The following PRDM16 variants were observed in gnomAD, a reference collection of about 807,000 sequenced individuals.
PRDM16 encodes histone-lysine N-methyltransferase PRDM16.
Under a neutral mutation model 110.6 loss-of-function variants are expected in PRDM16, and 23 were observed. The observed-to-expected ratio is 0.21, with a 90% CI of 0.15 to 0.29. The LOEUF is 0.29. PRDM16 is among the 10% of genes least tolerant of loss of function. The pLI, the probability that PRDM16 is intolerant of heterozygous loss-of-function variation, is 1.00. For synonymous variants in PRDM16, 799 were observed against 781.8 expected, an observed-to-expected ratio of 1.02 and a Z score of -0.37; for missense variants, 1,615 against 1,794.3, an observed-to-expected ratio of 0.90 and a Z score of 1.81.
At chr1:3,379,081 CCCCCTCCCGGTGCA>C (rs1329407412) in intron 3 of PRDM16, among the ~76,000 whole-genome samples, 14 of 146,254 alleles carry the variant, frequency 9.6e-5, no homozygotes, top group Non-Finnish European at 1.4e-4. Flanking sequence ...CCCCAACACA[CCCCCTCCCGGTGCA>C]CCCCTCCCGG....
chr1:3,135,464 A>G (rs1643418430), intron 1 of PRDM16, among the ~76,000 whole-genome samples: 1 of 152,202 alleles, frequency 6.6e-6, no homozygotes, highest in Non-Finnish European at 1.5e-5. Context: ...GGGGTTTCAC[A>G]GTGAGTTCAA....
At chr1:3,094,930 G>A (rs561173536) in intron 1 of PRDM16, among the ~76,000 whole-genome samples, 4 of 152,318 alleles carry the variant, frequency 2.6e-5, no homozygotes, top group African/African-American at 9.6e-5. Context: ...CACACAGCCC[G>A]GAACCCCGGT....
At chr1:3,074,460 C>T (rs1557427386) in intron 1 of PRDM16, among the ~76,000 whole-genome samples, 1 of 151,998 alleles carries the variant, frequency 6.6e-6, no homozygotes, top group Non-Finnish European at 1.5e-5. Context: ...AGGGTTTAAG[C>T]ATTTTCTCAA....
At chr1:3,092,705 G>C (rs1196966727) in intron 1 of PRDM16, among the ~76,000 whole-genome samples, 2 of 152,122 alleles carry the variant, frequency 1.3e-5, no homozygotes, top group Non-Finnish European at 2.9e-5. Context: ...CCTCTGGCTG[G>C]GCACCCCCGG....
At chr1:3,240,761 C>G (rs1306824025) in intron 2 of PRDM16, among the ~76,000 whole-genome samples, 1 of 152,230 alleles carries the variant, frequency 6.6e-6, no homozygotes, top group Non-Finnish European at 1.5e-5. Flanking sequence ...CCTCTGCGTA[C>G]GTGGCCTCTT....
At chr1:3,391,746 CTA>C (rs1276577174) in intron 4 of PRDM16, among the ~76,000 whole-genome samples, 4 of 152,256 alleles carry the variant, frequency 2.6e-5, no homozygotes, top group Non-Finnish European at 4.4e-5. Context: ...ATAGGACTGT[CTA>C]TAGTCTGGGA....
chr1:3,236,421 G>T (rs1266075282), intron 2 of PRDM16, among the ~76,000 whole-genome samples: 1 of 152,162 alleles, frequency 6.6e-6, no homozygotes, highest in Non-Finnish European at 1.5e-5. Context: ...TGGCCTGGGG[G>T]GGCGCTTGTC....
At chr1:3,277,775 A>G (rs945430683) in intron 3 of PRDM16, among the ~76,000 whole-genome samples, 18 of 106,050 alleles carry the variant, frequency 1.7e-4, no homozygotes, top group Admixed American at 1.2e-3. Flanking sequence ...GCGCACACAC[A>G]CGCACACATA....
chr1:3,184,017 C>G (rs1234097060), intron 1 of PRDM16, among the ~76,000 whole-genome samples: 2 of 152,174 alleles, frequency 1.3e-5, no homozygotes, highest in African/African-American at 4.8e-5. Context: ...ATGTACCTTT[C>G]TGCTGCACAC....
chr1:3,337,088 T>G (rs1642175057), intron 3 of PRDM16, among the ~76,000 whole-genome samples: 1 of 151,896 alleles, frequency 6.6e-6, no homozygotes, highest in Non-Finnish European at 1.5e-5. Context: ...TGTGAGCGCA[T>G]GCATCCACAT....
chr1:3,332,060 G>A (rs1553164582), intron 3 of PRDM16, among the ~76,000 whole-genome samples: 2 of 152,230 alleles, frequency 1.3e-5, no homozygotes, highest in Admixed American at 6.5e-5. Context: ...TCCCTGCTCC[G>A]AAGCACCCGT....
chr1:3,094,193 C>G (rs1260629207), intron 1 of PRDM16, among the ~76,000 whole-genome samples: 1 of 152,242 alleles, frequency 6.6e-6, no homozygotes, highest in Non-Finnish European at 1.5e-5. Flanking sequence ...TCTCGCCGCC[C>G]AGGCCTGGAG....
chr1:3,432,181 T>C (rs765879379), intron 16 of PRDM16, 41 bp downstream of exon 16: 1 of 1,572,428 alleles, frequency 6.4e-7, no homozygotes. Flanking sequence ...CCACCTGGCC[T>C]CCTCAGCCAG....
chr1:3,073,579 T>C (rs1641818515), intron 1 of PRDM16, among the ~76,000 whole-genome samples: 1 of 152,002 alleles, frequency 6.6e-6, no homozygotes, highest in Non-Finnish European at 1.5e-5. Context: ...GCCAGCTGGC[T>C]GGGGCCTCGC....
intron 2 of PRDM16, among the ~76,000 whole-genome samples, chr1:3,226,522 CCT>C (rs1259518397): frequency 6.6e-6 from 1 of 152,150 alleles, no homozygotes; most frequent in Non-Finnish European, 1.5e-5. Flanking sequence ...CTGAAATGTT[CCT>C]TTTGGCGTCT....
At chr1:3,231,201 A>C (rs1639400698) in intron 2 of PRDM16, among the ~76,000 whole-genome samples, 1 of 152,178 alleles carries the variant, frequency 6.6e-6, no homozygotes, top group African/African-American at 2.4e-5. Context: ...TACACGTAAA[A>C]GCCGCCCATC....
intron 3 of PRDM16, among the ~76,000 whole-genome samples, chr1:3,284,350 A>C (rs1186207814): frequency 6.6e-6 from 1 of 152,226 alleles, no homozygotes; most frequent in Non-Finnish European, 1.5e-5. Flanking sequence ...TAAAGTGTTA[A>C]GATGGCAGTA....
chr1:3,083,405 G>A (rs976820540), intron 1 of PRDM16, among the ~76,000 whole-genome samples: 5 of 152,348 alleles, frequency 3.3e-5, no homozygotes, highest in East Asian at 1.9e-4. Flanking sequence ...TGTGCCGGGC[G>A]GGCAGATCGT....
At chr1:3,239,353 C>T (rs1639609852) in intron 2 of PRDM16, among the ~76,000 whole-genome samples, 1 of 152,170 alleles carries the variant, frequency 6.6e-6, no homozygotes, top group South Asian at 2.1e-4. Context: ...AAGCTGCTGA[C>T]CACCAAGACC....
Sources: allele counts gnomAD v4.1 joint callset (sites outside exome capture counted in the v4.1 genomes callset), GRCh38; gene constraint gnomAD v4.1.1; transcripts MANE v1.5; gene names NCBI Gene and HGNC (gene_info 2026-07-23, HGNC 2026-07-21).